Variants in FTCDNL1 observed in about 807,000 individuals in gnomAD.
FTCDNL1 encodes formiminotransferase N-terminal subdomain-containing protein.
Under a neutral mutation model 5.9 loss-of-function variants are expected in FTCDNL1, and 11 were observed. That is an observed-to-expected ratio of 1.87 (90% confidence interval 1.18 to 3.10). The LOEUF is 3.10. Ranked by LOEUF, FTCDNL1 falls within the 30% of genes most tolerant of loss-of-function variation. FTCDNL1 has a pLI of 0.00. For missense variants in FTCDNL1, 115 were observed against 65.5 expected, an observed-to-expected ratio of 1.76 and a Z score of -2.61; for synonymous variants, 58 against 24.8, an observed-to-expected ratio of 2.34 and a Z score of -3.99.
intron 3 of FTCDNL1, among the ~76,000 whole-genome samples, chr2:199,830,904 A>G (rs1702330876): frequency 6.6e-6 from 1 of 152,228 alleles, no homozygotes; most frequent in Non-Finnish European, 1.5e-5. Context: ...CAGAAACATC[A>G]GGCTGAAAAA....
chr2:199,825,292 C>T (rs1701960974), intron 3 of FTCDNL1, among the ~76,000 whole-genome samples: 1 of 152,048 alleles, frequency 6.6e-6, no homozygotes, highest in Non-Finnish European at 1.5e-5. Context: ...TGCAGGGTTG[C>T]CACAAACCTT....
At chr2:199,664,082 G>A in the FTCDNL1 span, among the ~76,000 whole-genome samples, 1 of 149,030 alleles carries the variant, frequency 6.7e-6, no homozygotes, top group Non-Finnish European at 1.5e-5. Flanking sequence ...AGCCCCCAGA[G>A]CATTAAAAAA....
the FTCDNL1 span, among the ~76,000 whole-genome samples, chr2:199,734,283 G>A: frequency 2.7e-4 from 41 of 152,244 alleles, no homozygotes; most frequent in African/African-American, 8.9e-4. Context: ...TAACCATTTT[G>A]CTTTATACAA....
the FTCDNL1 span, among the ~76,000 whole-genome samples, chr2:199,721,111 A>G: frequency 1.5e-3 from 230 of 152,270 alleles, no homozygotes; most frequent in African/African-American, 5.0e-3. Flanking sequence ...CTTTTGTCTT[A>G]TGTTTTAAAT....
At chr2:199,716,654 T>C in the FTCDNL1 span, among the ~76,000 whole-genome samples, 28 of 152,268 alleles carry the variant, frequency 1.8e-4, no homozygotes, top group South Asian at 4.6e-3. Flanking sequence ...TTCTGATTAT[T>C]TAGGAGCTGC....
At chr2:199,707,766 C>T in the FTCDNL1 span, among the ~76,000 whole-genome samples, 2 of 151,930 alleles carry the variant, frequency 1.3e-5, no homozygotes, top group Non-Finnish European at 2.9e-5. Context: ...GATAGTATCC[C>T]ATTGTCTTTT....
intron 4 of FTCDNL1, among the ~76,000 whole-genome samples, chr2:199,817,437 G>C (rs139215785): frequency 5.8e-4 from 88 of 152,274 alleles, no homozygotes; most frequent in African/African-American, 2.1e-3. Context: ...GGGATTTGCA[G>C]ATTTTTATGA....
chr2:199,739,292 T>C, the FTCDNL1 span, among the ~76,000 whole-genome samples: 2 of 152,158 alleles, frequency 1.3e-5, no homozygotes, highest in Non-Finnish European at 2.9e-5. Flanking sequence ...CTCTACCACT[T>C]CGGAATCGGG....
chr2:199,819,781 A>G (rs1701574747), intron 3 of FTCDNL1, 24 bp from the exon 4 acceptor site: 2 of 675,836 alleles, frequency 3.0e-6, no homozygotes, highest in Non-Finnish European at 5.4e-6. Flanking sequence ...AATTTTAACC[A>G]AAGAAAATCA....
downstream of FTCDNL1, chr2:199,760,408 T>C (rs1287181733): frequency 5.9e-6 from 1 of 168,356 alleles, no homozygotes; most frequent in Admixed American, 5.9e-5. Flanking sequence ...TAATGACAAA[T>C]TTGGGACTGG....
the FTCDNL1 span, among the ~76,000 whole-genome samples, chr2:199,714,331 T>TA: frequency 5.3e-5 from 8 of 151,916 alleles, no homozygotes; most frequent in South Asian, 1.5e-3. Context: ...AGAATCTGAC[T>TA]AAAAAAAAAT....
the FTCDNL1 span, among the ~76,000 whole-genome samples, chr2:199,703,748 C>G: frequency 2.0e-4 from 31 of 152,106 alleles, no homozygotes; most frequent in East Asian, 5.4e-3. Flanking sequence ...ACATGTACCC[C>G]CTTAAAAGTT....
At chr2:199,832,803 A>G (rs1405652824) in intron 3 of FTCDNL1, among the ~76,000 whole-genome samples, 1 of 152,092 alleles carries the variant, frequency 6.6e-6, no homozygotes, top group Non-Finnish European at 1.5e-5. Context: ...GGGGCTTTAC[A>G]CAGTCATCGA....
the FTCDNL1 span, among the ~76,000 whole-genome samples, chr2:199,683,671 A>G: frequency 6.6e-6 from 1 of 151,896 alleles, no homozygotes; most frequent in Non-Finnish European, 1.5e-5. Flanking sequence ...CATTCCTGAC[A>G]GTATTTTCTT....
chr2:199,838,876 T>C (rs1368989167), intron 3 of FTCDNL1, among the ~76,000 whole-genome samples: 2 of 152,138 alleles, frequency 1.3e-5, no homozygotes, highest in South Asian at 2.1e-4. Flanking sequence ...AATCTAAACG[T>C]TGAGATTTTT....
At chr2:199,735,421 G>A in the FTCDNL1 span, among the ~76,000 whole-genome samples, 1 of 151,976 alleles carries the variant, frequency 6.6e-6, no homozygotes, top group Non-Finnish European at 1.5e-5. Context: ...TATTTTACAG[G>A]GTAAACGGTT....
At chr2:199,779,808 C>T (rs1174048978) in intron 3 of FTCDNL1, among the ~76,000 whole-genome samples, 3 of 152,124 alleles carry the variant, frequency 2.0e-5, no homozygotes, top group Admixed American at 6.6e-5. Flanking sequence ...GACGTCAGTC[C>T]TAAGTGTATG....
At chr2:199,668,108 G>A in the FTCDNL1 span, among the ~76,000 whole-genome samples, 1 of 152,142 alleles carries the variant, frequency 6.6e-6, no homozygotes, top group African/African-American at 2.4e-5. Flanking sequence ...TTTCACAGTT[G>A]TTGTTTTAAA....
At chr2:199,747,891 AC>A in the FTCDNL1 span, among the ~76,000 whole-genome samples, 18 of 151,938 alleles carry the variant, frequency 1.2e-4, no homozygotes, top group Non-Finnish European at 2.5e-4. Context: ...CTTTCCCAAG[AC>A]CCTTCTTGGC....
Sources: gnomAD v4.1 joint callset for allele counts (sites outside exome capture counted in the v4.1 genomes callset) on GRCh38, gnomAD v4.1.1 for gene constraint, MANE v1.5 for transcripts, NCBI Gene and HGNC (gene_info 2026-07-23, HGNC 2026-07-21) for gene names.